Variants in GLOD4 observed in about 807,000 individuals in gnomAD.
The protein encoded by GLOD4 is glyoxalase domain containing 4, also known as glyoxalase domain-containing protein 4.
A neutral mutation model predicts 39.1 loss-of-function variants in GLOD4; 44 were observed. The ratio of observed to expected loss-of-function variants is 1.13; its 90% CI spans 0.88 to 1.45. GLOD4 has a LOEUF of 1.45. GLOD4 is among the 40% of genes most tolerant of loss of function. GLOD4 has a pLI of 0.00. For missense variants in GLOD4, 405 were observed against 366.4 expected (o/e 1.11, Z -0.86); for synonymous variants, 145 against 135.0 (o/e 1.07, Z -0.52).
At chr17:772,723 C>T (rs1362505292) in intron 4 of GLOD4, among the ~76,000 whole-genome samples, 7 of 152,076 alleles carry the variant, frequency 4.6e-5, no homozygotes, top group African/African-American at 1.2e-4. Context: ...AGGCCGGGCG[C>T]GGTGGCTCAC....
intron 1 of GLOD4, among the ~76,000 whole-genome samples, chr17:781,489 C>T (rs3760495): frequency 0.2 from 29,781 of 152,140 alleles, 3,435 homozygotes; most frequent in East Asian, 0.46. Flanking sequence ...AATGACCTGA[C>T]GAATTCAGAT....
In GLOD4 at chr17:759,919, C is replaced by T. The variant is rs112873800; in HGVS notation, c.*254G>A. On this transcript the variant is annotated 3_prime_UTR_variant, in exon 9 of 9. Coordinates refer to ENST00000301329, the MANE Select transcript of GLOD4 (RefSeq NM_016080.4). The stretch of plus-strand genomic sequence containing the variant: ...ACAATCATCTGTCACTCATCCAACA[C>T]AGTTATATACAGAATGCGCAGTCCC... 2.2e-6 allele frequency: 1 copy of T among 451,938 alleles called. No individual in the cohort carries two copies. Among genetic ancestry groups the T allele is most frequent in the African/African-American group, 2.0e-5 (1 of 50,764 alleles). The allele number at this position is 451,938 out of a possible 1,614,324, so 28.0% of individuals were successfully genotyped here. A position where few individuals can be genotyped will look rare whatever the true frequency, so the allele number is the denominator to read the frequency against.
intron 8 of GLOD4, among the ~76,000 whole-genome samples, chr17:768,071 C>T (rs1228312160): frequency 1.2e-4 from 17 of 144,334 alleles, no homozygotes; most frequent in African/African-American, 2.9e-4. Context: ...AGAAACAGCG[C>T]GCACTCAGAT....
rs560039548 is a variant in GLOD4, at chr17:775,808, A to C, written c.373T>G (p.Phe125Val). 6.2e-7 allele frequency: 1 copy of C among 1,614,032 alleles called. No individual in the cohort carries two copies. The highest frequency in any genetic ancestry group is 1.1e-5 in the South Asian group (1 of 91,074). Reference sequence around the variant, plus strand: ...GGCAGACTGCGATTCTGCAAATAGAACTTATATCCTCCCGGGGCCTCGGTT... The same window carrying C: ...GGCAGACTGCGATTCTGCAAATAGACCTTATATCCTCCCGGGGCCTCGGTT... ...FETEAPGGYK[F>V]YLQNRSLPQS... The change falls in exon 4 of 9, where the codon TTC (phenylalanine) becomes GTC (valine). Residue 125 changes from phenylalanine (F) to valine (V), a missense_variant. Phe to Val is a conservative substitution (Grantham distance 50). Coordinates refer to ENST00000301329, the MANE Select transcript of GLOD4 (RefSeq NM_016080.4).
chr17:773,574 G>C (rs1385265738), intron 4 of GLOD4, among the ~76,000 whole-genome samples: 2 of 152,004 alleles, frequency 1.3e-5, no homozygotes, highest in African/African-American at 4.8e-5. Flanking sequence ...TTTGTAAAAA[G>C]AATAAAAGTC....
rs191741198 is a variant in GLOD4 at position 772,964 on chromosome 17, T to C, written c.407-1503A>G. Among the ~76,000 whole-genome samples the C allele has an allele frequency of 5.6e-3, 853 of 151,044 alleles. 10 individuals are homozygous for C. The highest frequency in any genetic ancestry group is 0.018 in the African/African-American group (722 of 41,092). ...GAGCCCAGAGCGCGCCACTGCACTC[T>C]AGCCTGGGCGACAGAGCGAGACTCT... On this transcript the variant is annotated intron_variant, in intron 4 of 8. Transcript: ENST00000301329.
chr17:782,269 C>G lies in GLOD4; in HGVS notation c.-14G>C. The G allele has an allele frequency of 6.2e-7, 1 of 1,613,188 alleles. No individual in the cohort carries two copies. Among genetic ancestry groups the G allele is most frequent in the Admixed American group, 1.7e-5 (1 of 59,960 alleles). On this transcript the variant is annotated 5_prime_UTR_variant, in exon 1 of 9. Transcript: ENST00000301329. ...GCGAGCAGCCATGATTCCCGCCGCA[C>G]GCAGCCGTCACGCGCACCGTACAGC... is the stretch of plus-strand genomic sequence containing the variant.
At position 777,413 on chromosome 17, in the gene GLOD4, G is replaced by A. The variant is rs576639601; in HGVS notation, c.141-425C>T. The stretch of plus-strand genomic sequence containing the variant: ...TCCCAGCACTTTGGGAGGCCGAGGC[G>A]GGAGGATCACCTGAGGTCAGGAGTT... On this transcript the variant is annotated intron_variant, in intron 2 of 8. Transcript: ENST00000301329. 1.0e-3 allele frequency: 165 copies of A among 163,678 alleles called. 2 individuals are homozygous for A. Among genetic ancestry groups the A allele is most frequent in the African/African-American group, 3.6e-3 (151 of 41,948 alleles). The allele number at this position is 163,678 out of a possible 1,614,324, so 10.1% of individuals were successfully genotyped here.
At chr17:769,229 T>G (rs1416607084) in intron 8 of GLOD4, among the ~76,000 whole-genome samples, 3 of 142,120 alleles carry the variant, frequency 2.1e-5, no homozygotes, top group African/African-American at 8.2e-5. Flanking sequence ...GATGGAGGCA[T>G]CTCCACGGGG....
Position 778,299 on chromosome 17 carries a change from C to T in GLOD4, c.140+396G>A, listed in dbSNP as rs146310130. 162 of 327,610 alleles carry T rather than the reference C, an allele frequency of 4.9e-4. 1 individual carries two copies. The East Asian group carries it at 7.4e-3, about 15-fold the overall frequency. 20.3% of individuals were successfully genotyped at this position (327,610 alleles called of 1,614,324 possible). A position where few individuals can be genotyped will look rare whatever the true frequency, so the allele number is the denominator to read the frequency against. ...AGACTGTGACCGGCGCCTGACGTGG[C>T]GGAAAATCTTCTGGGACTGAGCCCT... On this transcript the variant is annotated intron_variant, in intron 2 of 8. Transcript: ENST00000301329.
intron 8 of GLOD4, among the ~76,000 whole-genome samples, chr17:768,880 G>C (rs1409126773): frequency 6.6e-6 from 1 of 151,492 alleles, no homozygotes; most frequent in East Asian, 2.0e-4. Context: ...GAAATCTGGA[G>C]AGGATGTGAG....
intron 8 of GLOD4, among the ~76,000 whole-genome samples, chr17:768,331 G>T (rs964420782): frequency 5.4e-5 from 8 of 148,028 alleles, no homozygotes; most frequent in Non-Finnish European, 1.2e-4. Context: ...TGAAGAGGAC[G>T]TGAGAGAGAG....
intron 1 of GLOD4, among the ~76,000 whole-genome samples, chr17:781,277 C>T (rs778794466): frequency 1.9e-4 from 29 of 152,164 alleles, no homozygotes; most frequent in Non-Finnish European, 3.4e-4. Flanking sequence ...CAAGGGACAG[C>T]TCTGTGGTTT....
chr17:761,204 T>G (rs985110575), intron 8 of GLOD4, among the ~76,000 whole-genome samples: 2 of 152,128 alleles, frequency 1.3e-5, no homozygotes, highest in Non-Finnish European at 2.9e-5. Context: ...TGCTATAATA[T>G]CTACCTCAGC....
rs1452477872 is a variant in GLOD4, at chr17:770,039, C to CTT, written c.744+3_744+4dup. ...CAGCCTGCCCCCTGCCTGAGAAATA[C>CTT]TTACAGGGTCGGCCAGAATGACCAC... is the stretch of plus-strand genomic sequence containing the variant. On this transcript the variant is annotated splice_donor_region_variant and intron_variant, in intron 7 of 8. Transcript: ENST00000301329. The CTT allele has an allele frequency of 6.3e-7, 1 of 1,594,104 alleles. No homozygotes were observed. Among genetic ancestry groups the CTT allele is most frequent in the South Asian group, 1.1e-5 (1 of 90,638 alleles).
At chr17:773,767 C>T (rs928470340) in intron 4 of GLOD4, among the ~76,000 whole-genome samples, 4 of 152,124 alleles carry the variant, frequency 2.6e-5, no homozygotes, top group Admixed American at 6.5e-5. Flanking sequence ...CAAGTGCCTC[C>T]GCCTGGCAGG....
intron 1 of GLOD4, among the ~76,000 whole-genome samples, chr17:780,439 C>T (rs996833185): frequency 6.6e-6 from 1 of 152,206 alleles, no homozygotes; most frequent in Non-Finnish European, 1.5e-5. Context: ...ATAAAACCAG[C>T]GGCTTCGCAA....
rs193158671 is a variant in GLOD4 at position 778,915 on chromosome 17, G to T, written c.91-171C>A. 10 of 587,304 alleles carry T rather than the reference G, an allele frequency of 1.7e-5. No individual in the cohort carries two copies. In the East Asian group the frequency reaches 2.5e-4, roughly 15 times the overall value. The allele number at this position is 587,304 out of a possible 1,614,324, so 36.4% of individuals were successfully genotyped here. A position where few individuals can be genotyped will look rare whatever the true frequency, so the allele number is the denominator to read the frequency against. On this transcript the variant is annotated intron_variant, in intron 1 of 8. Coordinates refer to ENST00000301329, the MANE Select transcript of GLOD4 (RefSeq NM_016080.4). ...CCCAGGATAGAAGCAGTGGAAGGAC[G>T]AACAGCTTGACACCAAGGGTCAGGC...
chr17:775,965 T>C, intron 3 of GLOD4, 46 bp from the exon 4 acceptor site: 1 of 1,559,740 alleles, frequency 6.4e-7, no homozygotes, highest in South Asian at 1.1e-5. Flanking sequence ...ACAACAGATA[T>C]TTTACAGAAC....
Sources: gnomAD v4.1 joint callset for allele counts (sites outside exome capture counted in the v4.1 genomes callset) on GRCh38, gnomAD v4.1.1 for gene constraint, MANE v1.5 for transcripts, NCBI Gene and HGNC (gene_info 2026-07-23, HGNC 2026-07-21) for gene names.